Variants in OSBPL10 observed in about 807,000 individuals in gnomAD.
OSBPL10 encodes oxysterol binding protein like 10.
In OSBPL10, 49 loss-of-function variants were observed where a neutral mutation model predicts 81.7. That is an observed-to-expected ratio of 0.60 (90% CI 0.48 to 0.76). OSBPL10 has a LOEUF of 0.76. Among genes scored for constraint, OSBPL10 ranks in the 30% least tolerant of loss-of-function variants. OSBPL10 has a pLI of 0.00. For synonymous variants in OSBPL10, 419 were observed against 383.6 expected (o/e 1.09, Z -1.08); for missense variants, 923 against 987.8 (o/e 0.93, Z 0.88).
chr3:31,763,382 C>A (rs772858542), intron 4 of OSBPL10, among the ~76,000 whole-genome samples: 1 of 152,256 alleles, frequency 6.6e-6, no homozygotes, highest in African/African-American at 2.4e-5. Flanking sequence ...TAAGGGTCAA[C>A]AAGCATGAAA....
Position 32,066,161 on chromosome 3 carries a change from AAAGGAAGGAAGGAAGGAAGG to A in OSBPL10, n.185+11215_185+11234del, listed in dbSNP as rs58902796. On this transcript the variant is annotated intron_variant and non_coding_transcript_variant, in intron 1 of 3. Transcript: ENST00000479173. Reference sequence around the variant, plus strand: ...AAAGGGAAGAAAGGAAGAAAGGAAGAAAGGAAGGAAGGAAGGAAGGAAGGAAGGAAGGAAGGAAGGAAGGA... The same window carrying A: ...AAAGGGAAGAAAGGAAGAAAGGAAGAAAGGAAGGAAGGAAGGAAGGAAGGA... Among the ~76,000 whole-genome samples the A allele has an allele frequency of 8.9e-3, 477 of 53,488 alleles. 126 individuals are homozygous for A. The highest frequency in any genetic ancestry group is 0.064 in the Middle Eastern group (6 of 94). 35.1% of individuals were successfully genotyped at this position (53,488 alleles called of 152,430 possible).
At chr3:31,878,486 C>T (rs1301279000) in intron 2 of OSBPL10, among the ~76,000 whole-genome samples, 2 of 152,094 alleles carry the variant, frequency 1.3e-5, no homozygotes, top group African/African-American at 4.8e-5. Context: ...TTTTTACTTC[C>T]GAGGTTTTTG....
chr3:31,812,700 C>G (rs58559446), intron 4 of OSBPL10, among the ~76,000 whole-genome samples: 5 of 127,484 alleles, frequency 3.9e-5, no homozygotes, highest in Non-Finnish European at 8.1e-5. Context: ...GCTGGAATCT[C>G]TACACAGTAG....
rs1015078496 is a variant in OSBPL10 at position 31,840,994 on chromosome 3, C to T, written c.538-10763G>A. Among the ~76,000 whole-genome samples the T allele has an allele frequency of 8.5e-5, 13 of 152,296 alleles. No homozygotes were observed. The South Asian group carries it at 2.3e-3, about 27-fold the overall frequency. On this transcript the variant is annotated intron_variant, in intron 3 of 11. Coordinates refer to ENST00000396556, the MANE Select transcript of OSBPL10 (RefSeq NM_017784.5). Reference sequence around the variant, plus strand: ...CGTGATCTCGGCTCACCACAACCTCCGCCTCCTAGGTTCAAGCGATTTTCT... The same window carrying T: ...CGTGATCTCGGCTCACCACAACCTCTGCCTCCTAGGTTCAAGCGATTTTCT...
At chr3:31,759,627 T>C (rs1697975199) in intron 4 of OSBPL10, among the ~76,000 whole-genome samples, 1 of 152,202 alleles carries the variant, frequency 6.6e-6, no homozygotes, top group Non-Finnish European at 1.5e-5. Flanking sequence ...CATATAACTT[T>C]TGACTCCCTA....
At chr3:31,810,495 A>C (rs560467734) in intron 4 of OSBPL10, among the ~76,000 whole-genome samples, 5 of 152,240 alleles carry the variant, frequency 3.3e-5, no homozygotes, top group African/African-American at 9.6e-5. Flanking sequence ...AAAACAAAAA[A>C]ATTTTAACAC....
intron 1 of OSBPL10, among the ~76,000 whole-genome samples, chr3:32,072,871 T>C (rs563991146): frequency 7.2e-5 from 11 of 152,300 alleles, no homozygotes; most frequent in East Asian, 3.9e-4. Context: ...TTGTCAGACA[T>C]AATTCCTCAG....
chr3:32,007,342 A>T (rs1000664497), intron 2 of OSBPL10, among the ~76,000 whole-genome samples: 2 of 152,196 alleles, frequency 1.3e-5, no homozygotes, highest in African/African-American at 4.8e-5. Flanking sequence ...TGCTATAACA[A>T]ACTACCCCAA....
intron 2 of OSBPL10, among the ~76,000 whole-genome samples, chr3:32,028,824 T>A (rs1699439124): frequency 6.6e-6 from 1 of 151,998 alleles, no homozygotes; most frequent in Non-Finnish European, 1.5e-5. Context: ...AGAGAGAACA[T>A]GGAAGGTTTG....
chr3:31,922,263 T>A (rs1257794063), intron 1 of OSBPL10, among the ~76,000 whole-genome samples: 1 of 152,212 alleles, frequency 6.6e-6, no homozygotes, highest in Non-Finnish European at 1.5e-5. Context: ...AAAATGTTAA[T>A]AATAGAGAAA....
chr3:31,702,298 C>T, intron 7 of OSBPL10, 61 bp downstream of exon 7: 3 of 1,573,474 alleles, frequency 1.9e-6, no homozygotes, highest in East Asian at 4.5e-5. Flanking sequence ...ATAGAGAAGG[C>T]TTGAGGATAG....
chr3:31,892,952 AC>A (rs2125661903), intron 1 of OSBPL10, among the ~76,000 whole-genome samples: 1 of 152,296 alleles, frequency 6.6e-6, no homozygotes, highest in Admixed American at 6.5e-5. Flanking sequence ...GTTGAGCACA[AC>A]TGCAGCAGAG....
At chr3:32,013,368 C>A (rs1699279353) in intron 2 of OSBPL10, among the ~76,000 whole-genome samples, 1 of 152,172 alleles carries the variant, frequency 6.6e-6, no homozygotes, top group Middle Eastern at 3.4e-3. Context: ...GAAATGAAGG[C>A]AGAAATAAAG....
intron 1 of OSBPL10, among the ~76,000 whole-genome samples, chr3:31,933,719 C>A (rs1697311430): frequency 6.6e-6 from 1 of 152,070 alleles, no homozygotes; most frequent in African/African-American, 2.4e-5. Flanking sequence ...CTCTAAAATT[C>A]TTTTATCAGC....
intron 2 of OSBPL10, among the ~76,000 whole-genome samples, chr3:32,023,703 C>T (rs1181349730): frequency 6.6e-6 from 1 of 152,164 alleles, no homozygotes; most frequent in African/African-American, 2.4e-5. Flanking sequence ...ATTCTCAGTC[C>T]TGCTTCATTG....
At chr3:31,987,861 A>G (rs1698957804) in intron 2 of OSBPL10, among the ~76,000 whole-genome samples, 1 of 152,272 alleles carries the variant, frequency 6.6e-6, no homozygotes, top group African/African-American at 2.4e-5. Context: ...ATCAGAAACC[A>G]AAATGTGAAA....
At position 31,894,440 on chromosome 3, in the gene OSBPL10, CT is replaced by C. The variant is rs774595303; in HGVS notation, c.282-14611del. Among the ~76,000 whole-genome samples, 115 of 152,310 alleles carry C rather than the reference CT, an allele frequency of 7.6e-4. 1 individual carries two copies. Among genetic ancestry groups the C allele is most frequent in the Admixed American group, 2.6e-4 (4 of 15,300 alleles). On this transcript the variant is annotated intron_variant, in intron 1 of 11. Coordinates refer to ENST00000396556, the MANE Select transcript of OSBPL10 (RefSeq NM_017784.5). Reference sequence around the variant, plus strand: ...AAGGACAGAGTGACCATGTCAAATGCTGACAAAGTGTCAGTAAGAACTGAAA... The same window carrying C: ...AAGGACAGAGTGACCATGTCAAATGCGACAAAGTGTCAGTAAGAACTGAAA...
chr3:31,983,466 T>C (rs1195829987), upstream of OSBPL10, among the ~76,000 whole-genome samples: 1 of 152,164 alleles, frequency 6.6e-6, no homozygotes, highest in Non-Finnish European at 1.5e-5. Flanking sequence ...ACCCTTGAGA[T>C]AGACCAGTTC....
intron 3 of OSBPL10, among the ~76,000 whole-genome samples, chr3:31,833,469 G>A (rs1333212085): frequency 7.9e-5 from 12 of 152,154 alleles, no homozygotes. Context: ...CTGACATGCA[G>A]AAGCTGCATG....
Sources: allele counts gnomAD v4.1 joint callset (sites outside exome capture counted in the v4.1 genomes callset), GRCh38; gene constraint gnomAD v4.1.1; transcripts MANE v1.5; gene names NCBI Gene and HGNC (gene_info 2026-07-23, HGNC 2026-07-21).